Variants in NARS2 observed in about 807,000 individuals in gnomAD.
NARS2 encodes the protein asparaginyl-tRNA synthetase.
NARS2 carries 60 observed loss-of-function variants against 62.9 expected under a neutral mutation model. The ratio of observed to expected loss-of-function variants is 0.95; its 90% confidence interval spans 0.77 to 1.18. The LOEUF is 1.18. NARS2 is among the 50% of genes most tolerant of loss of function. NARS2 has a pLI of 0.00. For missense variants in NARS2, 619 were observed against 576.4 expected (o/e 1.07, Z -0.76); for synonymous variants, 196 against 200.0 (o/e 0.98, Z 0.17).
At chr11:78,459,485 G>A (rs1300591591) in intron 11 of NARS2, among the ~76,000 whole-genome samples, 1 of 151,234 alleles carries the variant, frequency 6.6e-6, no homozygotes, top group Non-Finnish European at 1.5e-5. Context: ...GGTCAGGCTG[G>A]TCTTGAATCC....
At chr11:78,467,752 G>A (rs1362138728) in intron 10 of NARS2, among the ~76,000 whole-genome samples, 3 of 152,024 alleles carry the variant, frequency 2.0e-5, no homozygotes, top group Non-Finnish European at 4.4e-5. Flanking sequence ...TGTGGGTAAT[G>A]ACAGATGTGT....
intron 6 of NARS2, among the ~76,000 whole-genome samples, chr11:78,499,730 G>A (rs900439875): frequency 2.6e-5 from 4 of 152,168 alleles, no homozygotes; most frequent in Non-Finnish European, 5.9e-5. Context: ...AAACACAGCA[G>A]TATATGATTC....
intron 6 of NARS2, among the ~76,000 whole-genome samples, chr11:78,522,332 T>C (rs548034020): frequency 1.3e-4 from 20 of 152,258 alleles, no homozygotes; most frequent in African/African-American, 4.8e-4. Context: ...TTTCAGATAA[T>C]GATACCTATC....
chr11:78,534,314 C>T (rs879152303), intron 5 of NARS2, among the ~76,000 whole-genome samples: 5 of 152,138 alleles, frequency 3.3e-5, no homozygotes, highest in Admixed American at 2.6e-4. Context: ...GGATGTTGGC[C>T]GCTCAATAGG....
intron 5 of NARS2, among the ~76,000 whole-genome samples, chr11:78,554,500 C>CGTGTGTGTGTGTGTGTGTGT (rs569858075): frequency 7.1e-5 from 3 of 42,498 alleles, no homozygotes; most frequent in Non-Finnish European, 1.8e-4. Flanking sequence ...TATTCCTAGG[C>CGTGTGTGTGTGTGTGTGTGT]GTGTGTGCGT....
At chr11:78,561,660 A>G (rs964867172) in intron 4 of NARS2, among the ~76,000 whole-genome samples, 1 of 152,252 alleles carries the variant, frequency 6.6e-6, no homozygotes, top group African/African-American at 2.4e-5. Flanking sequence ...TGAAACTGAA[A>G]TAACTATTAT....
chr11:78,491,194 G>C (rs1482945493), intron 7 of NARS2, among the ~76,000 whole-genome samples: 3 of 152,208 alleles, frequency 2.0e-5, no homozygotes, highest in Non-Finnish European at 4.4e-5. Flanking sequence ...AATTACCGGG[G>C]AGAAGGTGGC....
intron 5 of NARS2, among the ~76,000 whole-genome samples, chr11:78,542,276 T>TG (rs1241919186): frequency 6.6e-6 from 1 of 152,118 alleles, no homozygotes; most frequent in Admixed American, 6.5e-5. Flanking sequence ...AAAAGACGCG[T>TG]GGAGTCTAAT....
At chr11:78,542,946 G>T (rs1348234821) in intron 5 of NARS2, among the ~76,000 whole-genome samples, 1 of 152,198 alleles carries the variant, frequency 6.6e-6, no homozygotes, top group African/African-American at 2.4e-5. Context: ...TGCAGTTGCT[G>T]CAAGGAGGAA....
At chr11:78,520,005 T>TAA (rs1269011590) in intron 6 of NARS2, among the ~76,000 whole-genome samples, 1 of 152,122 alleles carries the variant, frequency 6.6e-6, no homozygotes, top group African/African-American at 2.4e-5. Context: ...TTTTTGAGTT[T>TAA]CTTGGTCAAA....
At chr11:78,449,054 T>A (rs902790924) in intron 11 of NARS2, among the ~76,000 whole-genome samples, 1 of 152,190 alleles carries the variant, frequency 6.6e-6, no homozygotes. Context: ...CTGGCTTTTA[T>A]TTATCTGGAA....
At chr11:78,478,994 G>A (rs994415224) in intron 7 of NARS2, among the ~76,000 whole-genome samples, 1 of 152,106 alleles carries the variant, frequency 6.6e-6, no homozygotes, top group African/African-American at 2.4e-5. Flanking sequence ...AAACTCACTG[G>A]TAGAATCAGG....
intron 7 of NARS2, among the ~76,000 whole-genome samples, chr11:78,492,326 T>C (rs1479730079): frequency 6.6e-6 from 1 of 152,228 alleles, no homozygotes; most frequent in African/African-American, 2.4e-5. Flanking sequence ...GTGCACTGTC[T>C]GGATTATGTC....
chr11:78,519,358 G>A (rs578079707), intron 6 of NARS2, among the ~76,000 whole-genome samples: 1 of 152,158 alleles, frequency 6.6e-6, no homozygotes, highest in African/African-American at 2.4e-5. Flanking sequence ...GCCCCAAACT[G>A]AAAATAACTA....
At chr11:78,454,408 G>A (rs576422221) in intron 11 of NARS2, among the ~76,000 whole-genome samples, 1 of 152,256 alleles carries the variant, frequency 6.6e-6, no homozygotes, top group African/African-American at 2.4e-5. Flanking sequence ...TAGTTCACAT[G>A]AGAACTGGTT....
rs889193425 is a variant in NARS2 at position 78,571,425 on chromosome 11, C to G, written c.161G>C (p.Arg54Pro). The G allele has an allele frequency of 1.2e-6, 2 of 1,612,150 alleles. No individual in the cohort carries two copies. Among genetic ancestry groups the G allele is most frequent in the South Asian group, 1.1e-5 (1 of 90,954 alleles). Reference sequence around the variant, plus strand: ...CAGGAACAAGACTTCCTTCTGGGATCGGACAGAACGAATCCATCCCTAAGG... The same window carrying G: ...CAGGAACAAGACTTCCTTCTGGGATGGGACAGAACGAATCCATCCCTAAGG... Reference protein sequence around the residue: ...IKIQGWIRSVRSQKEVLFLHV... With the variant: ...IKIQGWIRSVPSQKEVLFLHV... Residue 54 changes from arginine to proline, a missense_variant, in exon 2 of 14, where the codon CGA becomes CCA. Coordinates refer to ENST00000281038, the MANE Select transcript of NARS2 (RefSeq NM_024678.6).
intron 5 of NARS2, among the ~76,000 whole-genome samples, chr11:78,543,727 A>G (rs1330687253): frequency 1.3e-5 from 2 of 152,142 alleles, no homozygotes; most frequent in South Asian, 2.1e-4. Context: ...TGCATAAGCT[A>G]CTTTCTAAAT....
chr11:78,463,961 A>T (rs1858504024), intron 11 of NARS2, among the ~76,000 whole-genome samples: 1 of 152,086 alleles, frequency 6.6e-6, no homozygotes, highest in South Asian at 2.1e-4. Context: ...AGTGTCCGGA[A>T]TTGGTGGGTT....
At chr11:78,444,277 G>A (rs889362809) in intron 11 of NARS2, among the ~76,000 whole-genome samples, 1 of 152,048 alleles carries the variant, frequency 6.6e-6, no homozygotes, top group African/African-American at 2.4e-5. Flanking sequence ...TTTAAGGTGT[G>A]TATATTTTTG....
Sources: gnomAD v4.1 joint callset for allele counts (sites outside exome capture counted in the v4.1 genomes callset) on GRCh38, gnomAD v4.1.1 for gene constraint, MANE v1.5 for transcripts, NCBI Gene and HGNC (gene_info 2026-07-23, HGNC 2026-07-21) for gene names.